The following TCOF1 variants were observed in gnomAD, a reference collection of about 807,000 sequenced individuals.
TCOF1 encodes the protein treacle protein.
Under a neutral mutation model 149.0 loss-of-function variants are expected in TCOF1, and 33 were observed. The observed-to-expected ratio is 0.22, with a 90% CI of 0.17 to 0.30. The LOEUF (loss-of-function observed/expected upper bound fraction) is 0.30, where lower values mean the gene tolerates loss of function less well. Ranked by LOEUF, TCOF1 falls within the 10% of genes least tolerant of loss-of-function variation. The pLI is 1.00. For missense variants in TCOF1, 1,728 were observed against 1,840.7 expected (o/e 0.94, Z 1.12); for synonymous variants, 789 against 738.8 (o/e 1.07, Z -1.10).
intron 17 of TCOF1, chr5:150,384,257 C>G (rs1315012958): frequency 2.0e-6 from 2 of 990,762 alleles, no homozygotes; most frequent in African/African-American, 1.7e-5. Flanking sequence ...CCACCAACAT[C>G]GGTAACTCCC....
chr5:150,361,876 T>C (rs1760188210), intron 2 of TCOF1, among the ~76,000 whole-genome samples: 1 of 152,184 alleles, frequency 6.6e-6, no homozygotes, highest in African/African-American at 2.4e-5. Context: ...ATCGCATGGA[T>C]AGCCATGCAT....
chr5:150,365,921 G>A (rs975220388), intron 3 of TCOF1, among the ~76,000 whole-genome samples: 1 of 151,986 alleles, frequency 6.6e-6, no homozygotes, highest in Non-Finnish European at 1.5e-5. Flanking sequence ...AGGAGTTGGA[G>A]ACCCGCCTGG....
At chr5:150,362,986 G>C (rs1760498279) in intron 2 of TCOF1, among the ~76,000 whole-genome samples, 1 of 152,122 alleles carries the variant, frequency 6.6e-6, no homozygotes, top group South Asian at 2.1e-4. Flanking sequence ...GGATTTCTTG[G>C]CCTCCCTGAG....
In TCOF1 at chr5:150,387,990, C is replaced by A. The variant is rs1244586626; in HGVS notation, c.2948C>A (p.Thr983Asn). 1.2e-6 allele frequency: 2 copies of A among 1,613,800 alleles called. No homozygotes were observed. The highest frequency in any genetic ancestry group is 2.7e-5 in the African/African-American group (2 of 74,918). The part of the protein sequence containing the change: ...ATPAQAQAAS[T>N]PRKARASEST... ...CCCGCACAAGCCCAGGCTGCAAGCACCCCGAGGAAGGCCCGAGCCTCGGAG... is the reference window on the plus strand; with the variant it reads ...CCCGCACAAGCCCAGGCTGCAAGCAACCCGAGGAAGGCCCGAGCCTCGGAG... Residue 983 changes from threonine to asparagine, a missense_variant, in exon 18 of 27, where the codon ACC (threonine) becomes AAC (asparagine). By Grantham distance (65) the Thr-to-Asn change is moderately conservative (BLOSUM62 0). Coordinates refer to ENST00000643257, the MANE Select transcript of TCOF1 (RefSeq NM_001371623.1).
chr5:150,382,386 A>T (rs927968601), intron 17 of TCOF1, among the ~76,000 whole-genome samples: 2 of 152,182 alleles, frequency 1.3e-5, no homozygotes, highest in Non-Finnish European at 2.9e-5. Flanking sequence ...TGCAGTGTGC[A>T]TTGTAGTTGC....
chr5:150,365,797 C>T (rs1284447173), intron 3 of TCOF1, among the ~76,000 whole-genome samples: 1 of 151,930 alleles, frequency 6.6e-6, no homozygotes, highest in Non-Finnish European at 1.5e-5. Flanking sequence ...GCCTCAGCCT[C>T]CGGGTATGTA....
At chr5:150,389,789 A>G in intron 18 of TCOF1, 98 bp from the exon 19 acceptor site, 1 of 1,603,086 alleles carries the variant, frequency 6.2e-7, no homozygotes, top group East Asian at 2.3e-5. Context: ...GCACAGCTCT[A>G]GATCACCAGC....
intron 17 of TCOF1, among the ~76,000 whole-genome samples, chr5:150,387,431 G>A (rs573462255): frequency 6.6e-6 from 1 of 152,330 alleles, no homozygotes; most frequent in East Asian, 1.9e-4. Flanking sequence ...CAACTAGACT[G>A]TAAATACCTC....
chr5:150,385,844 C>T (rs1330123915), intron 17 of TCOF1, among the ~76,000 whole-genome samples: 1 of 152,158 alleles, frequency 6.6e-6, no homozygotes, highest in Non-Finnish European at 1.5e-5. Context: ...CAGGCCAGTG[C>T]TGGTTTTGCT....
chr5:150,373,429 C>T (rs1190093047), intron 7 of TCOF1, among the ~76,000 whole-genome samples: 1 of 152,216 alleles, frequency 6.6e-6, no homozygotes. Context: ...CTGTGTGGAG[C>T]AGCCTGCACT....
intron 17 of TCOF1, chr5:150,380,070 CAAAAAAAA>C (rs1224924833): frequency 1.0e-5 from 1 of 95,396 alleles, no homozygotes; most frequent in African/African-American, 4.3e-5. Context: ...GAGACTGTCT[CAAAAAAAA>C]AAAAAAAGAA....
chr5:150,368,074 AC>A (rs1420723731), intron 4 of TCOF1, 157 bp downstream of exon 4: 3 of 737,186 alleles, frequency 4.1e-6, no homozygotes, highest in Non-Finnish European at 6.8e-6. Context: ...TAGTCCCTTC[AC>A]CTCTCTGGGC....
intron 23 of TCOF1, 109 bp downstream of exon 23, chr5:150,393,661 C>T: frequency 7.0e-7 from 1 of 1,428,186 alleles, no homozygotes; most frequent in South Asian, 1.2e-5. Flanking sequence ...CCTGTCTGCC[C>T]CCAGAGCCTC....
intron 17 of TCOF1, among the ~76,000 whole-genome samples, chr5:150,382,745 C>T: frequency 6.6e-6 from 1 of 152,268 alleles, no homozygotes; most frequent in Non-Finnish European, 1.5e-5. Flanking sequence ...TGCCTGCAAC[C>T]TTGTCCCAGG....
intron 25 of TCOF1, among the ~76,000 whole-genome samples, chr5:150,398,686 C>T (rs1393124427): frequency 6.6e-6 from 1 of 152,232 alleles, no homozygotes; most frequent in Admixed American, 6.5e-5. Context: ...GAGACTCCCC[C>T]CAGCACAGGG....
rs190602838 is a variant in TCOF1 at position 150,386,351 on chromosome 5, C to A, written c.2860-1551C>A. Among the ~76,000 whole-genome samples the A allele has an allele frequency of 1.4e-4, 22 of 152,342 alleles. No homozygotes were observed. In the East Asian group the frequency reaches 4.0e-3, roughly 28 times the overall value. ...TTCACATATATATAGATCCCCCCTC[C>A]CTCAACTGTAAGCCTTCTCCCACTT... On this transcript the variant is annotated intron_variant, in intron 17 of 26. Transcript: ENST00000643257.
chr5:150,383,846 G>A (rs918082046), intron 17 of TCOF1: 17 of 1,550,978 alleles, frequency 1.1e-5, no homozygotes, highest in Non-Finnish European at 1.1e-5. Flanking sequence ...CCACAGTCCT[G>A]CTCAGGCTAC....
chr5:150,367,073 AG>A (rs1180679076), intron 3 of TCOF1, among the ~76,000 whole-genome samples: 1 of 151,974 alleles, frequency 6.6e-6, no homozygotes, highest in Non-Finnish European at 1.5e-5. Context: ...TGGGAGGCCG[AG>A]GTGGGCAGAT....
chr5:150,368,898 G>T lies in TCOF1; in HGVS notation c.561G>T (p.Lys187Asn), dbSNP rs1761940137. The T allele has an allele frequency of 3.1e-6, 5 of 1,613,636 alleles. No homozygotes were observed. The highest frequency in any genetic ancestry group is 4.2e-6 in the Non-Finnish European group (5 of 1,180,018). Residue 187 changes from lysine to asparagine, a missense_variant, in exon 5 of 27, where the codon AAG (lysine) becomes AAT (asparagine). Around this residue, in one of 2 missense-constraint regions of TCOF1, gnomAD observed 1,696 missense variants for 1,765.4 expected, o/e 0.96. Transcript: ENST00000643257. Reference sequence around the variant, plus strand: ...TCCCGGCCTTTGGAGCTGCTGCCAAGCCTGGTAAGAAGTCCCCACCTCTAG... The same window carrying T: ...TCCCGGCCTTTGGAGCTGCTGCCAATCCTGGTAAGAAGTCCCCACCTCTAG... ...GSVPAFGAAA[K>N]PGMVSAGQAD... is the part of the protein sequence containing the mutation.
Sources: gnomAD v4.1 joint callset for allele counts (sites outside exome capture counted in the v4.1 genomes callset) on GRCh38, gnomAD v4.1.1 for gene constraint, gnomAD v4.1.1 regional missense constraint, MANE v1.5 for transcripts, NCBI Gene and HGNC (gene_info 2026-07-23, HGNC 2026-07-21) for gene names.